MRPS18B: variants seen among roughly 807,000 people sequenced by gnomAD.
The protein encoded by MRPS18B is small ribosomal subunit protein mS40.
A neutral mutation model predicts 28.4 loss-of-function variants in MRPS18B; 27 were observed. The ratio of observed to expected loss-of-function variants is 0.95; its 90% CI spans 0.70 to 1.31. The LOEUF is 1.31. Among genes scored for constraint, MRPS18B ranks in the 40% most tolerant of loss-of-function variants. MRPS18B has a pLI of 0.00. For synonymous variants in MRPS18B, 118 were observed against 123.7 expected, an observed-to-expected ratio of 0.95 and a Z score of 0.30; for missense variants, 343 against 335.9, an observed-to-expected ratio of 1.02 and a Z score of -0.17.
chr6:30,619,242 T>C (rs1469872366), intron 1 of MRPS18B, among the ~76,000 whole-genome samples: 2 of 152,202 alleles, frequency 1.3e-5, no homozygotes, highest in African/African-American at 4.8e-5. Context: ...ATTTGTCTTC[T>C]GAAATAAGAT....
chr6:30,617,943 G>A lies in MRPS18B; in HGVS notation c.78G>A (p.Gln26=). The change falls in exon 1 of 7, where the codon CAG becomes CAA. Residue 26 remains glutamine (Q), a splice_region_variant and synonymous_variant. Transcript: ENST00000259873. ...TCTTCCGAGGTTCTCACAGAGTTCA[G>A]GTAACTCTTCGAAAGACATTTTGCA... ...LSLFRGSHRV[Q]VPLQTLCTKA... The A allele has an allele frequency of 6.2e-7, 1 of 1,614,136 alleles. No individual in the cohort carries two copies. The highest frequency in any genetic ancestry group is 8.5e-7 in the Non-Finnish European group (1 of 1,179,984).
intron 4 of MRPS18B, among the ~76,000 whole-genome samples, chr6:30,621,504 A>G (rs1479745438): frequency 1.3e-5 from 2 of 152,248 alleles, no homozygotes; most frequent in Non-Finnish European, 1.5e-5. Flanking sequence ...CAGAAGCTAT[A>G]TGGCTGATCA....
At chr6:30,622,571 A>AG (rs1338137221) in intron 4 of MRPS18B, among the ~76,000 whole-genome samples, 2 of 142,520 alleles carry the variant, frequency 1.4e-5, no homozygotes, top group Non-Finnish European at 3.0e-5. Context: ...CAAAAAAAAA[A>AG]AAAAAAAAAA....
chr6:30,618,081 C>T, intron 1 of MRPS18B, 138 bp downstream of exon 1: 2 of 800,332 alleles, frequency 2.5e-6, no homozygotes, highest in Non-Finnish European at 4.0e-6. Context: ...CCTGCAACCC[C>T]CCCCCCACAC....
Position 30,619,508 on chromosome 6 carries a change from CTT to C in MRPS18B, c.96_97del (p.Cys33HisfsTer6), listed in dbSNP as rs749369142. ...TCCTTTGTAGGTTCCCCTCCAGACT[CTT>C]TGCACCAAAGCTCCCTCTGAGGAAG... The part of the protein sequence containing the change: ...SHRVQVPLQT[L>X]CTKAPSEEDS... On this transcript the variant is annotated frameshift_variant, in exon 2 of 7. Transcript: ENST00000259873. LOFTEE classifies it high-confidence loss of function. The C allele has an allele frequency of 1.4e-5, 22 of 1,612,760 alleles. No individual in the cohort carries two copies. Among genetic ancestry groups the C allele is most frequent in the East Asian group, 2.2e-5 (1 of 44,902 alleles).
rs1363199225 is a variant in MRPS18B, at chr6:30,617,910, GCTAT to G, written c.48_51del (p.Leu18SerfsTer102). 1.2e-6 allele frequency: 2 copies of G among 1,614,172 alleles called. No homozygotes were observed. The highest frequency in any genetic ancestry group is 1.7e-6 in the Non-Finnish European group (2 of 1,180,038). ...ACACCGTGCTGAGGCGGCTTCCTATGCTATCTCTCTTCCGAGGTTCTCACAGAGT... is the reference window on the plus strand; with the variant it reads ...ACACCGTGCTGAGGCGGCTTCCTATGCTCTCTTCCGAGGTTCTCACAGAGT... On this transcript the variant is annotated frameshift_variant, in exon 1 of 7. Transcript: ENST00000259873. LOFTEE classifies it high-confidence loss of function.
intron 4 of MRPS18B, among the ~76,000 whole-genome samples, chr6:30,620,878 C>G (rs1014756327): frequency 2.0e-5 from 3 of 152,092 alleles, no homozygotes; most frequent in Admixed American, 6.6e-5. Context: ...AGCGAAATGG[C>G]TATTTCTAGT....
intron 4 of MRPS18B, among the ~76,000 whole-genome samples, chr6:30,621,462 GTTC>G (rs1761154339): frequency 1.3e-5 from 2 of 152,170 alleles, no homozygotes; most frequent in Admixed American, 1.3e-4. Flanking sequence ...ATGGGAAAGT[GTTC>G]TTCTGAGCTT....
rs796312563 is a variant in MRPS18B, at chr6:30,623,335, C to CA, written c.421+449dup. 4.0e-3 allele frequency among the ~76,000 whole-genome samples: 508 copies of CA among 127,460 alleles called. 8 individuals carry two copies. The highest frequency in any genetic ancestry group is 0.011 in the African/African-American group (375 of 34,362). 83.6% of individuals were successfully genotyped at this position (127,460 alleles called of 152,430 possible). Reference sequence around the variant, plus strand: ...CTGGGCATCAAGTGAAGCTCCATCTCAAAAAAAAAAAAGGAAAAAGAAAAA... The same window carrying CA: ...CTGGGCATCAAGTGAAGCTCCATCTCAAAAAAAAAAAAAGGAAAAAGAAAAA... On this transcript the variant is annotated intron_variant, in intron 5 of 6. Coordinates refer to ENST00000259873, the MANE Select transcript of MRPS18B (RefSeq NM_014046.4).
chr6:30,624,057 G>T (rs910567554), intron 5 of MRPS18B, among the ~76,000 whole-genome samples: 2 of 150,880 alleles, frequency 1.3e-5, no homozygotes, highest in African/African-American at 2.4e-5. Flanking sequence ...CACCGTGCCC[G>T]GCAGAGACTA....
At chr6:30,624,760 CAG>C in intron 5 of MRPS18B, 121 bp from the exon 6 acceptor site, 1 of 1,007,860 alleles carries the variant, frequency 9.9e-7, no homozygotes, top group South Asian at 1.6e-5. Flanking sequence ...ATGGAGGGGT[CAG>C]GGGAAAGGGG....
At chr6:30,619,887 A>T in intron 3 of MRPS18B, 34 bp from the exon 4 acceptor site, 1 of 1,613,172 alleles carries the variant, frequency 6.2e-7, no homozygotes, top group Non-Finnish European at 8.5e-7. Flanking sequence ...ACGTGTTTGA[A>T]CATCCTTAAC....
intron 5 of MRPS18B, among the ~76,000 whole-genome samples, chr6:30,623,300 G>C (rs1336901847): frequency 2.0e-5 from 3 of 151,202 alleles, no homozygotes; most frequent in African/African-American, 7.3e-5. Flanking sequence ...TTGCGCCATT[G>C]CACTCCAGCC....
intron 1 of MRPS18B, 46 bp downstream of exon 1, chr6:30,617,989 C>G: frequency 6.2e-7 from 1 of 1,600,848 alleles, no homozygotes; most frequent in South Asian, 1.1e-5. Flanking sequence ...TTGGTTATAC[C>G]TTCTCGAGGT....
rs760598497 is a variant in MRPS18B, at chr6:30,619,971, G to C, written c.336G>C (p.Lys112Asn). 6.2e-7 allele frequency: 1 copy of C among 1,614,118 alleles called. No homozygotes were observed. The highest frequency in any genetic ancestry group is 8.5e-7 in the Non-Finnish European group (1 of 1,179,970). The change falls in exon 4 of 7, where the codon AAG (lysine) becomes AAC (asparagine). Residue 112 changes from lysine (K) to asparagine (N), a missense_variant. Transcript: ENST00000259873. ...GNPCPICRDH[K>N]LHVDFRNVKL... ...CCTGCCCCATCTGTCGAGATCACAAGTTGCATGTTGACTTTAGGGTAAGGA... is the reference window on the plus strand; with the variant it reads ...CCTGCCCCATCTGTCGAGATCACAACTTGCATGTTGACTTTAGGGTAAGGA...
rs533072782 is a variant in MRPS18B at position 30,620,230 on chromosome 6, T to C, written c.354+241T>C. The C allele has an allele frequency of 9.2e-4, 440 of 477,006 alleles. 1 individual carries two copies. The highest frequency in any genetic ancestry group is 1.4e-3 in the Admixed American group (40 of 29,408). The allele number at this position is 477,006 out of a possible 1,614,324, so 29.5% of individuals were successfully genotyped here. On this transcript the variant is annotated intron_variant, in intron 4 of 6. Transcript: ENST00000259873. The stretch of plus-strand genomic sequence containing the variant: ...TACTCAGGAGGCTGAGGCAGGAGAA[T>C]GGCGTGAACCCGGGAGGCAGAGCTT...
chr6:30,618,579 G>A (rs1760907322), intron 1 of MRPS18B: 1 of 152,130 alleles, frequency 6.6e-6, no homozygotes, highest in Non-Finnish European at 1.5e-5. Flanking sequence ...TTCTTGGTGG[G>A]GCACGGTGAG....
intron 4 of MRPS18B, among the ~76,000 whole-genome samples, chr6:30,620,981 T>C (rs1056167360): frequency 2.6e-5 from 4 of 152,244 alleles, no homozygotes; most frequent in African/African-American, 9.6e-5. Context: ...CTTTATTTCC[T>C]TGTCAATGTT....
In MRPS18B at chr6:30,625,612, C is replaced by T; in HGVS notation, c.592C>T (p.Pro198Ser). Reference protein sequence around the residue: ...PPAPTLVSGDPWYPWYNWKQP... With the variant: ...PPAPTLVSGDSWYPWYNWKQP... ...AGCCCCCACCCTGGTCTCAGGTGAC[C>T]CCTGGTACCCATGGTACAACTGGAA... Residue 198 changes from proline (P) to serine (S), a missense_variant, in exon 7 of 7, where the codon CCC (proline) becomes TCC (serine). Coordinates refer to ENST00000259873, the MANE Select transcript of MRPS18B (RefSeq NM_014046.4). 6.2e-7 allele frequency: 1 copy of T among 1,613,012 alleles called. No homozygotes were observed. The highest frequency in any genetic ancestry group is 8.5e-7 in the Non-Finnish European group (1 of 1,180,016).
Sources: gnomAD v4.1 joint callset for allele counts (sites outside exome capture counted in the v4.1 genomes callset) on GRCh38, gnomAD v4.1.1 for gene constraint, MANE v1.5 for transcripts, NCBI Gene and HGNC (gene_info 2026-07-23, HGNC 2026-07-21) for gene names.